TRIM35: variants seen among roughly 807,000 people sequenced by gnomAD.
TRIM35 encodes the protein E3 ubiquitin-protein ligase TRIM35.
In TRIM35, 37 loss-of-function variants were observed where a neutral mutation model predicts 49.1. The ratio of observed to expected loss-of-function variants is 0.75; its 90% CI spans 0.58 to 0.99. TRIM35 has a LOEUF of 0.99. Ranked by LOEUF, TRIM35 falls within the 50% of genes least tolerant of loss-of-function variation. The pLI is 0.00. For missense variants in TRIM35, 648 were observed against 702.7 expected, an observed-to-expected ratio of 0.92 and a Z score of 0.88; for synonymous variants, 302 against 289.3, an observed-to-expected ratio of 1.04 and a Z score of -0.45.
intron 3 of TRIM35, among the ~76,000 whole-genome samples, chr8:27,291,367 C>T (rs1464012649): frequency 6.6e-6 from 1 of 152,152 alleles, no homozygotes; most frequent in Non-Finnish European, 1.5e-5. Context: ...GATACCACTT[C>T]ACACCTACAA....
chr8:27,302,985 T>C (rs1410904134), intron 1 of TRIM35, among the ~76,000 whole-genome samples: 1 of 152,226 alleles, frequency 6.6e-6, no homozygotes, highest in East Asian at 1.9e-4. Flanking sequence ...TTGGTCATAA[T>C]GCGCATTCCT....
At chr8:27,289,058 G>T (rs1022069702) in intron 5 of TRIM35, 104 bp downstream of exon 5, 21 of 827,674 alleles carry the variant, frequency 2.5e-5, no homozygotes, top group Non-Finnish European at 3.5e-5. Flanking sequence ...GGGGAGCTCT[G>T]AGGAGGTGGG....
intron 1 of TRIM35, among the ~76,000 whole-genome samples, chr8:27,309,080 T>A (rs1325378477): frequency 6.6e-6 from 1 of 152,216 alleles, no homozygotes; most frequent in South Asian, 2.1e-4. Flanking sequence ...TCCTGCAGTA[T>A]CCCTGGGACC....
rs143436239 is a variant in TRIM35 at position 27,287,892 on chromosome 8, G to A, written c.1140C>T (p.Gly380=). 1.8e-5 allele frequency: 29 copies of A among 1,613,114 alleles called. No homozygotes were observed. The highest frequency in any genetic ancestry group is 2.0e-5 in the Non-Finnish European group (24 of 1,179,832). Residue 380 remains glycine (G), a synonymous_variant, in exon 6 of 6, where the codon GGC becomes GGT. Transcript: ENST00000305364. The surrounding 1 kb of genome is among the most constrained non-coding windows in gnomAD (Gnocchi z 6.0). ...AGCAGCTGTGTGAGTGGCCCTCAGC[G>A]CCCGAGTCCTGGCGCACACGTACCA... ...VGVVRVRQDS[G]AEGHSHSCYH...
intron 2 of TRIM35, among the ~76,000 whole-genome samples, chr8:27,295,796 T>A (rs150784701): frequency 6.6e-6 from 1 of 152,106 alleles, no homozygotes. Context: ...TCTGAAAATA[T>A]ACGAAAAGGA....
intron 1 of TRIM35, among the ~76,000 whole-genome samples, chr8:27,307,000 C>T (rs1255876511): frequency 6.6e-6 from 1 of 152,158 alleles, no homozygotes; most frequent in East Asian, 1.9e-4. Flanking sequence ...ACCAGGTTTG[C>T]ATTTGTATGC....
At chr8:27,291,711 T>C (rs1802457979) in intron 3 of TRIM35, among the ~76,000 whole-genome samples, 1 of 152,230 alleles carries the variant, frequency 6.6e-6, no homozygotes, top group African/African-American at 2.4e-5. Flanking sequence ...GGGTAATTTA[T>C]AAACAATAGT....
In TRIM35 at chr8:27,287,454, G is replaced by T. The variant is rs946118592; in HGVS notation, c.*96C>A. On this transcript the variant is annotated 3_prime_UTR_variant, in exon 6 of 6. Transcript: ENST00000305364. The surrounding 1 kb of genome is among the most constrained non-coding windows in gnomAD (Gnocchi z 6.0). The stretch of plus-strand genomic sequence containing the variant: ...ACAGGAGGAAGAGCCTGGCAAGGAG[G>T]CAGGGGCGCAATAGTGCCCAAGCAG... The T allele has an allele frequency of 1.6e-6, 2 of 1,287,960 alleles. No homozygotes were observed. Among genetic ancestry groups the T allele is most frequent in the South Asian group, 1.5e-5 (1 of 64,824 alleles). 79.8% of individuals were successfully genotyped at this position (1,287,960 alleles called of 1,614,324 possible). A position where few individuals can be genotyped will look rare whatever the true frequency, so the allele number is the denominator to read the frequency against.
In TRIM35 at chr8:27,287,996, G is replaced by A. The variant is rs1802371418; in HGVS notation, c.1036C>T (p.Leu346=). 1 of 1,613,474 alleles carries A rather than the reference G, an allele frequency of 6.2e-7. No homozygotes were observed. Among genetic ancestry groups the A allele is most frequent in the Admixed American group, 1.7e-5 (1 of 60,004 alleles). Residue 346 remains leucine (L), a synonymous_variant, in exon 6 of 6, where the codon CTG becomes TTG. Coordinates refer to ENST00000305364, the MANE Select transcript of TRIM35 (RefSeq NM_171982.5). This position sits in a 1 kb window ranked among gnomAD's most constrained non-coding sequence, Gnocchi z 6.0. ...PERFSSAPCL[L]GSRVFSQGSH... is the part of the protein sequence containing the mutation. ...CCCTGTGAGAAGACACGGGAGCCCAGCAGGCAGGGCGCCGAGGAGAAGCGT... is the reference window on the plus strand; with the variant it reads ...CCCTGTGAGAAGACACGGGAGCCCAACAGGCAGGGCGCCGAGGAGAAGCGT...
chr8:27,310,730 G>A, intron 1 of TRIM35, 71 bp downstream of exon 1: 1 of 1,478,056 alleles, frequency 6.8e-7, no homozygotes, highest in Non-Finnish European at 9.1e-7. Flanking sequence ...AGGAGGGGCG[G>A]GAGCCGCAGA....
At chr8:27,290,045 T>C (rs1802420811) in intron 4 of TRIM35, 111 bp downstream of exon 4, 1 of 1,248,704 alleles carries the variant, frequency 8.0e-7, no homozygotes, top group African/African-American at 1.5e-5. Context: ...AGCTCATGTG[T>C]GCTGGTGCAC....
chr8:27,303,645 C>T (rs186765233), intron 1 of TRIM35, among the ~76,000 whole-genome samples: 70 of 152,210 alleles, frequency 4.6e-4, no homozygotes, highest in African/African-American at 1.6e-3. Flanking sequence ...AAACAAGCTT[C>T]GATGTTAGCA....
rs1167968692 is a variant in TRIM35 at position 27,285,621 on chromosome 8, C to T, written c.*1929G>A. The T allele has an allele frequency of 7.4e-6, 1 of 135,894 alleles. No homozygotes were observed. The highest frequency in any genetic ancestry group is 2.8e-5 in the African/African-American group (1 of 35,846). The allele number at this position is 135,894 out of a possible 1,614,324, so 8.4% of individuals were successfully genotyped here. The stretch of plus-strand genomic sequence containing the variant: ...ATGCCAAAAGAAAAATGAGTTTTAG[C>T]TCAAATTTTTTTTTAAGAGGCCTAG... On this transcript the variant is annotated 3_prime_UTR_variant, in exon 6 of 6. Coordinates refer to ENST00000305364, the MANE Select transcript of TRIM35 (RefSeq NM_171982.5).
At position 27,286,674 on chromosome 8, in the gene TRIM35, G is replaced by T; in HGVS notation, c.*876C>A. 1 of 156,614 alleles carries T rather than the reference G, an allele frequency of 6.4e-6. No homozygotes were observed. The highest frequency in any genetic ancestry group is 1.4e-5 in the Non-Finnish European group (1 of 70,862). The allele number at this position is 156,614 out of a possible 1,614,324, so 9.7% of individuals were successfully genotyped here. A position where few individuals can be genotyped will look rare whatever the true frequency, so the allele number is the denominator to read the frequency against. The stretch of plus-strand genomic sequence containing the variant: ...CAGAGCTGATCTGATGGAGACGGAG[G>T]ATCCAGCCACACAGAGGCCCTGCAT... On this transcript the variant is annotated 3_prime_UTR_variant, in exon 6 of 6. Transcript: ENST00000305364.
chr8:27,302,796 C>T (rs1005721452), intron 1 of TRIM35, among the ~76,000 whole-genome samples: 1 of 152,226 alleles, frequency 6.6e-6, no homozygotes, highest in African/African-American at 2.4e-5. Context: ...CTTATTAATA[C>T]TTATGATTTA....
intron 1 of TRIM35, among the ~76,000 whole-genome samples, chr8:27,302,415 A>T (rs896104863): frequency 6.6e-6 from 1 of 151,508 alleles, no homozygotes; most frequent in Non-Finnish European, 1.5e-5. Context: ...TTTTTAAATT[A>T]AAAAAACCCA....
Position 27,287,696 on chromosome 8 carries a change from G to A in TRIM35, c.1336C>T (p.Arg446Cys), listed in dbSNP as rs886949517. The A allele has an allele frequency of 3.7e-6, 6 of 1,609,722 alleles. No individual in the cohort carries two copies. Among genetic ancestry groups the A allele is most frequent in the Middle Eastern group, 1.6e-4 (1 of 6,080 alleles). The change falls in exon 6 of 6, where the codon CGC becomes TGC. Residue 446 changes from arginine (R) to cysteine (C), a missense_variant. By Grantham distance (180) the Arg-to-Cys change is radical. Coordinates refer to ENST00000305364, the MANE Select transcript of TRIM35 (RefSeq NM_171982.5). This position sits in a 1 kb window ranked among gnomAD's most constrained non-coding sequence, Gnocchi z 6.0. Reference sequence around the variant, plus strand: ...TGGAAGGTGTACAGGTGGCAGTGGCGCTCCGCGTCATAGAAAGACAGCTCG... The same window carrying A: ...TGGAAGGTGTACAGGTGGCAGTGGCACTCCGCGTCATAGAAAGACAGCTCG... The part of the protein sequence containing the change: ...EGELSFYDAE[R>C]HCHLYTFHAR...
chr8:27,310,672 G>T, intron 1 of TRIM35, 129 bp downstream of exon 1: 1 of 1,080,114 alleles, frequency 9.3e-7, no homozygotes, highest in Non-Finnish European at 1.3e-6. Flanking sequence ...GAGAGGTGGG[G>T]TCCTGCATGC....
chr8:27,292,064 T>G (rs113929257), intron 3 of TRIM35, among the ~76,000 whole-genome samples: 1 of 152,208 alleles, frequency 6.6e-6, no homozygotes, highest in Non-Finnish European at 1.5e-5. Flanking sequence ...CAACCACCAA[T>G]TGATAAATCA....
Sources: gnomAD v4.1 joint callset for allele counts (sites outside exome capture counted in the v4.1 genomes callset) on GRCh38, gnomAD v4.1.1 for gene constraint, Gnocchi (gnomAD v3.1) non-coding constraint, MANE v1.5 for transcripts, NCBI Gene and HGNC (gene_info 2026-07-23, HGNC 2026-07-21) for gene names.